CELF2: variants seen among roughly 807,000 people sequenced by gnomAD.
CELF2 encodes CUG triplet repeat RNA-binding protein 2.
In CELF2, 8 loss-of-function variants were observed where a neutral mutation model predicts 62.6. That is an observed-to-expected ratio of 0.13 (90% CI 0.07 to 0.23). The LOEUF is 0.23. Ranked by LOEUF, CELF2 falls within the 10% of genes least tolerant of loss-of-function variation. The probability of loss-of-function intolerance (pLI) is 1.00; values close to 1 mark genes in which losing one functional copy is unlikely to be tolerated. For missense variants in CELF2, 333 were observed against 671.0 expected (o/e 0.50, Z 5.56); for synonymous variants, 258 against 250.0 (o/e 1.03, Z -0.30).
At chr10:11,187,224 A>G (rs2134270462) in intron 2 of CELF2, among the ~76,000 whole-genome samples, 1 of 152,204 alleles carries the variant, frequency 6.6e-6, no homozygotes, top group Non-Finnish European at 1.5e-5. Flanking sequence ...TTTTTTGATG[A>G]ATAGATATTT....
intron 1 of CELF2, among the ~76,000 whole-genome samples, chr10:11,061,427 A>G (rs182462908): frequency 2.0e-5 from 3 of 152,380 alleles, no homozygotes; most frequent in Admixed American, 1.3e-4. Flanking sequence ...TCTCCATAGC[A>G]TAGAAGTACA....
the CELF2 span, among the ~76,000 whole-genome samples, chr10:10,491,428 T>G: frequency 2.0e-5 from 3 of 152,178 alleles, no homozygotes; most frequent in Non-Finnish European, 4.4e-5. Context: ...CCTCTTGCTC[T>G]TTGGTATCTT....
In CELF2 at chr10:11,229,598, A is replaced by G. The variant is rs1026635665; in HGVS notation, c.354+12091A>G. On this transcript the variant is annotated intron_variant, in intron 3 of 12. Coordinates refer to ENST00000633077, the MANE Select transcript of CELF2 (RefSeq NM_001326342.2). Reference sequence around the variant, plus strand: ...CTTGGGATGAGAGTCTGGCATCAGTATTTTTTTTTTTTTTTTGAGACAGTC... The same window carrying G: ...CTTGGGATGAGAGTCTGGCATCAGTGTTTTTTTTTTTTTTTTGAGACAGTC... 2.1e-5 allele frequency among the ~76,000 whole-genome samples: 3 copies of G among 141,588 alleles called. No individual in the cohort carries two copies. In the Admixed American group the frequency reaches 2.1e-4, roughly 10 times the overall value. The allele number at this position is 141,588 out of a possible 152,430, so 92.9% of individuals were successfully genotyped here. A position where few individuals can be genotyped will look rare whatever the true frequency, so the allele number is the denominator to read the frequency against.
Position 11,065,358 on chromosome 10 carries a change from C to T in CELF2, c.74+47195C>T, listed in dbSNP as rs138932295. ...CTCAGGTTTCTTTCAGTAGATCTGA[C>T]GGTAAATTCTTGAACTGCTAAAGGG... On this transcript the variant is annotated intron_variant, in intron 1 of 12. Transcript: ENST00000633077. 5.8e-4 allele frequency among the ~76,000 whole-genome samples: 88 copies of T among 152,282 alleles called. 1 individual carries two copies. In the South Asian group the frequency reaches 9.3e-3, roughly 16 times the overall value.
At position 11,285,300 on chromosome 10, in the gene CELF2, C is replaced by T. The variant is rs1278563113; in HGVS notation, c.842-3118C>T. 1.3e-5 allele frequency among the ~76,000 whole-genome samples: 2 copies of T among 152,094 alleles called. No homozygotes were observed. Among genetic ancestry groups the T allele is most frequent in the Non-Finnish European group, 2.9e-5 (2 of 68,006 alleles). ...CCACTCTTCATCTCAGCTTCCTTGA[C>T]TCATAGTTTTTCCTTTCCTTGCAGT... is the stretch of plus-strand genomic sequence containing the variant. On this transcript the variant is annotated intron_variant, in intron 8 of 12. Coordinates refer to ENST00000633077, the MANE Select transcript of CELF2 (RefSeq NM_001326342.2). The surrounding 1 kb of genome is among the most constrained non-coding windows in gnomAD (Gnocchi z 4.3).
rs1242837158 is a variant in CELF2 at position 11,315,300 on chromosome 10, C to T, written c.1096+1042C>T. ...AGTTAGCTACCATGCAGCCCAGGCACCCCGGCACCTGCCCATTCTCATTTT... is the reference window on the plus strand; with the variant it reads ...AGTTAGCTACCATGCAGCCCAGGCATCCCGGCACCTGCCCATTCTCATTTT... On this transcript the variant is annotated intron_variant, in intron 10 of 12. Transcript: ENST00000633077. The surrounding 1 kb of genome is among the most constrained non-coding windows in gnomAD (Gnocchi z 5.8). 1.3e-5 allele frequency among the ~76,000 whole-genome samples: 2 copies of T among 152,158 alleles called. No homozygotes were observed. The highest frequency in any genetic ancestry group is 2.9e-5 in the Non-Finnish European group (2 of 68,030).
the CELF2 span, among the ~76,000 whole-genome samples, chr10:10,622,161 G>A: frequency 1.1e-4 from 16 of 152,186 alleles, no homozygotes; most frequent in Admixed American, 4.6e-4. Context: ...ATTCTGAGGC[G>A]CTGCCAGGGT....
intron 8 of CELF2, among the ~76,000 whole-genome samples, chr10:11,284,818 A>G (rs1590667717): frequency 6.8e-6 from 1 of 146,816 alleles, no homozygotes; most frequent in Non-Finnish European, 1.5e-5. Flanking sequence ...TGATGGATGG[A>G]TGGGTGGGAG....
At chr10:11,222,771 A>G (rs963825725) in intron 3 of CELF2, among the ~76,000 whole-genome samples, 1 of 152,256 alleles carries the variant, frequency 6.6e-6, no homozygotes, top group Non-Finnish European at 1.5e-5. Context: ...CCAAAGGCCT[A>G]CAGTTTTATT....
rs151032873 is a variant in CELF2 at position 11,274,441 on chromosome 10, A to G, written c.778-616A>G. ...ATGTTTTTGAAGATTGACATTTACA[A>G]CGCGTGACTTCGATGTACATAGCAC... On this transcript the variant is annotated intron_variant, in intron 7 of 12. Transcript: ENST00000633077. 3.0e-3 allele frequency among the ~76,000 whole-genome samples: 464 copies of G among 152,360 alleles called. 5 individuals are homozygous for G. The highest frequency in any genetic ancestry group is 0.011 in the African/African-American group (441 of 41,584).
chr10:10,854,325 T>A (rs1043589848), intron 1 of CELF2, among the ~76,000 whole-genome samples: 4 of 152,152 alleles, frequency 2.6e-5, no homozygotes, highest in Non-Finnish European at 4.4e-5. Context: ...CTGTGAAAAG[T>A]GGCAAAGCCA....
chr10:10,590,828 T>G, the CELF2 span, among the ~76,000 whole-genome samples: 7 of 152,334 alleles, frequency 4.6e-5, no homozygotes, highest in Admixed American at 2.0e-4. Flanking sequence ...GGGCATTTCT[T>G]TTTTTCTGCC....
chr10:10,778,967 A>G, the CELF2 span, among the ~76,000 whole-genome samples: 6 of 152,172 alleles, frequency 3.9e-5, no homozygotes, highest in African/African-American at 1.4e-4. Context: ...AGGCCTAACT[A>G]ATGAATTTAT....
At chr10:10,644,689 C>T in the CELF2 span, among the ~76,000 whole-genome samples, 26,871 of 152,052 alleles carry the variant, frequency 0.18, 2,962 homozygotes, top group South Asian at 0.42. Context: ...TCTTTTCTGA[C>T]GTGGTTTGCT....
chr10:11,321,176 G>GT lies in CELF2; in HGVS notation c.1097-7dup. ...TGCTGTTTCTCTTCTCTATTGTTGG[G>GT]TTTTTTGTAAAGTTGCTCAAATGCT... On this transcript the variant is annotated splice_polypyrimidine_tract_variant and intron_variant, in intron 10 of 12. Coordinates refer to ENST00000633077, the MANE Select transcript of CELF2 (RefSeq NM_001326342.2). This position sits in a 1 kb window ranked among gnomAD's most constrained non-coding sequence, Gnocchi z 6.2. 6.2e-7 allele frequency: 1 copy of GT among 1,613,800 alleles called. No homozygotes were observed. The highest frequency in any genetic ancestry group is 8.5e-7 in the Non-Finnish European group (1 of 1,179,764).
intron 1 of CELF2, among the ~76,000 whole-genome samples, chr10:11,151,835 C>T (rs1393120609): frequency 2.0e-5 from 3 of 152,150 alleles, no homozygotes; most frequent in Non-Finnish European, 4.4e-5. Context: ...CTGGTTTAAA[C>T]CATTTCTTCT....
chr10:10,589,315 G>A, the CELF2 span, among the ~76,000 whole-genome samples: 1 of 152,230 alleles, frequency 6.6e-6, no homozygotes, highest in Admixed American at 6.5e-5. Flanking sequence ...TCCCACTTAA[G>A]AGACAATAGA....
At position 10,934,036 on chromosome 10, in the gene CELF2, C is replaced by T. The variant is rs773077386; in HGVS notation, c.89+14037C>T. Among the ~76,000 whole-genome samples, 20 of 152,316 alleles carry T rather than the reference C, an allele frequency of 1.3e-4. No homozygotes were observed. In the South Asian group the frequency reaches 3.9e-3, roughly 30 times the overall value. ...ACCTCCATACTGATTTCCGTAATGG[C>T]TATGCTAATGTACATTCCCACAAAC... On this transcript the variant is annotated intron_variant, in intron 2 of 13. Transcript: ENST00000636488. The surrounding 1 kb of genome is among the most constrained non-coding windows in gnomAD (Gnocchi z 4.4).
intron 1 of CELF2, among the ~76,000 whole-genome samples, chr10:10,869,182 C>A (rs953389959): frequency 2.0e-5 from 3 of 152,012 alleles, no homozygotes; most frequent in Non-Finnish European, 4.4e-5. Flanking sequence ...GTCTTGAGTT[C>A]TCAGAAGAGA....
Sources: allele counts gnomAD v4.1 joint callset (sites outside exome capture counted in the v4.1 genomes callset), GRCh38; gene constraint gnomAD v4.1.1; non-coding constraint Gnocchi (gnomAD v3.1); transcripts MANE v1.5; gene names NCBI Gene and HGNC (gene_info 2026-07-23, HGNC 2026-07-21).